The following GPC5 variants were observed in gnomAD, a reference collection of about 807,000 sequenced individuals.
GPC5 encodes glypican-5.
A neutral mutation model predicts 53.9 loss-of-function variants in GPC5; 47 were observed. The ratio of observed to expected loss-of-function variants is 0.87; its 90% CI spans 0.69 to 1.11. GPC5 has a LOEUF of 1.11. GPC5 is among the 50% of genes most tolerant of loss of function. The pLI, the probability that GPC5 is intolerant of heterozygous loss-of-function variation, is 0.00. For missense variants in GPC5, 748 were observed against 713.1 expected (o/e 1.05, Z -0.56); for synonymous variants, 286 against 263.3 (o/e 1.09, Z -0.84).
At chr13:91,604,495 T>A (rs1177774998) in intron 2 of GPC5, among the ~76,000 whole-genome samples, 17 of 148,640 alleles carry the variant, frequency 1.1e-4, no homozygotes, top group African/African-American at 2.5e-4. Context: ...GTCAAATGGT[T>A]TTTCCAGTTC....
intron 7 of GPC5, chr13:92,241,402 T>G (rs941112629): frequency 1.3e-5 from 2 of 152,138 alleles, no homozygotes; most frequent in African/African-American, 4.8e-5. Context: ...GGATAAAATT[T>G]TATGAGCAAA....
At chr13:92,070,015 A>G (rs2041198085) in intron 6 of GPC5, among the ~76,000 whole-genome samples, 1 of 152,182 alleles carries the variant, frequency 6.6e-6, no homozygotes, top group Non-Finnish European at 1.5e-5. Context: ...GCCCAATCTA[A>G]TCACTATGAG....
chr13:92,116,162 C>T (rs1180583485), intron 6 of GPC5, among the ~76,000 whole-genome samples: 1 of 152,038 alleles, frequency 6.6e-6, no homozygotes, highest in African/African-American at 2.4e-5. Flanking sequence ...AAGTGGGAGA[C>T]CACTTGAGCA....
chr13:92,544,390 TA>T, intron 7 of GPC5, among the ~76,000 whole-genome samples: 1 of 152,338 alleles, frequency 6.6e-6, no homozygotes, highest in Non-Finnish European at 1.5e-5. Flanking sequence ...AATTGTCTCA[TA>T]AAAATGTGAC....
chr13:92,596,677 T>G (rs1443390164), intron 7 of GPC5, among the ~76,000 whole-genome samples: 1 of 152,144 alleles, frequency 6.6e-6, no homozygotes. Flanking sequence ...TTTCAACATG[T>G]TGGCCAGGAT....
chr13:92,440,427 G>A (rs997375372), intron 7 of GPC5, among the ~76,000 whole-genome samples: 3 of 152,060 alleles, frequency 2.0e-5, no homozygotes, highest in South Asian at 2.1e-4. Context: ...CTGCAAAGGC[G>A]TGATTTTCTT....
In GPC5 at chr13:92,723,850, T is replaced by A. The variant is rs149730115; in HGVS notation, c.1562-142432T>A. Among the ~76,000 whole-genome samples the A allele has an allele frequency of 2.1e-4, 32 of 151,778 alleles. No individual in the cohort carries two copies. The East Asian group carries it at 4.9e-3, about 23-fold the overall frequency. On this transcript the variant is annotated intron_variant, in intron 7 of 7. Coordinates refer to ENST00000377067, the MANE Select transcript of GPC5 (RefSeq NM_004466.6). ...TTCTGTGAAATATAATTCTATCATA[T>A]GCTGAAAATCTATTATAGTATGATA...
At chr13:92,676,864 T>C (rs1216528038) in intron 7 of GPC5, among the ~76,000 whole-genome samples, 1 of 152,134 alleles carries the variant, frequency 6.6e-6, no homozygotes, top group Non-Finnish European at 1.5e-5. Context: ...GACCAGTTGT[T>C]TGATACTTAA....
At chr13:91,680,348 C>G (rs1464367822) in intron 2 of GPC5, among the ~76,000 whole-genome samples, 1 of 152,178 alleles carries the variant, frequency 6.6e-6, no homozygotes, top group Admixed American at 6.5e-5. Context: ...ACTCTGGAGA[C>G]TGAGGCAGGA....
At chr13:91,557,661 T>C (rs1306771316) in intron 2 of GPC5, among the ~76,000 whole-genome samples, 1 of 152,148 alleles carries the variant, frequency 6.6e-6, no homozygotes, top group Non-Finnish European at 1.5e-5. Flanking sequence ...ATTCCCAGTA[T>C]GTCACAGAAT....
intron 7 of GPC5, among the ~76,000 whole-genome samples, chr13:92,150,419 A>G (rs1006967522): frequency 6.6e-6 from 1 of 152,022 alleles, no homozygotes; most frequent in Non-Finnish European, 1.5e-5. Context: ...ATATATGTCT[A>G]AGATAAACAT....
intron 7 of GPC5, among the ~76,000 whole-genome samples, chr13:92,360,332 C>T (rs1201871672): frequency 6.6e-6 from 1 of 151,602 alleles, no homozygotes; most frequent in Non-Finnish European, 1.5e-5. Flanking sequence ...ATATGCAAAT[C>T]AATAAATGTG....
intron 6 of GPC5, chr13:91,996,444 T>C (rs1331408759): frequency 4.6e-5 from 7 of 152,254 alleles, no homozygotes. Context: ...CCTATTACAT[T>C]ATAGTCATCA....
At chr13:92,422,533 A>AC in intron 7 of GPC5, among the ~76,000 whole-genome samples, 1 of 122,180 alleles carries the variant, frequency 8.2e-6, no homozygotes, top group East Asian at 2.2e-4. Context: ...CACACACACA[A>AC]CTTCTTGGAA....
At chr13:92,041,436 G>A (rs139009847) in intron 6 of GPC5, among the ~76,000 whole-genome samples, 21 of 152,238 alleles carry the variant, frequency 1.4e-4, no homozygotes, top group Non-Finnish European at 2.6e-4. Flanking sequence ...TGACCTTGAC[G>A]GGCAGAAGAC....
chr13:92,841,157 A>T (rs896592676), intron 7 of GPC5, among the ~76,000 whole-genome samples: 2 of 151,992 alleles, frequency 1.3e-5, no homozygotes, highest in African/African-American at 4.8e-5. Flanking sequence ...GGTTAGTTTG[A>T]TCCATTTGGT....
chr13:91,436,016 G>T (rs1192831035), intron 1 of GPC5, among the ~76,000 whole-genome samples: 3 of 152,196 alleles, frequency 2.0e-5, no homozygotes, highest in Non-Finnish European at 4.4e-5. Context: ...TTGTATTTCT[G>T]TGGGATTGGT....
At chr13:92,412,393 C>T (rs1876084157) in intron 7 of GPC5, among the ~76,000 whole-genome samples, 3 of 152,084 alleles carry the variant, frequency 2.0e-5, no homozygotes, top group Admixed American at 2.0e-4. Flanking sequence ...CAAAAATAAA[C>T]ATAACAATTC....
intron 7 of GPC5, among the ~76,000 whole-genome samples, chr13:92,478,399 A>G (rs933259557): frequency 6.6e-6 from 1 of 152,178 alleles, no homozygotes; most frequent in African/African-American, 2.4e-5. Flanking sequence ...GGATTTAGAA[A>G]TTTACATATA....
Sources: allele counts gnomAD v4.1 joint callset (sites outside exome capture counted in the v4.1 genomes callset), GRCh38; gene constraint gnomAD v4.1.1; transcripts MANE v1.5; gene names NCBI Gene and HGNC (gene_info 2026-07-23, HGNC 2026-07-21).